SPATA6L: variants seen among roughly 807,000 people sequenced by gnomAD.
SPATA6L encodes the protein spermatogenesis associated 6-like protein.
SPATA6L carries 68 observed loss-of-function variants against 49.2 expected under a neutral mutation model. That is an observed-to-expected ratio of 1.38 (90% CI 1.14 to 1.69). The LOEUF is 1.69. Ranked by LOEUF, SPATA6L falls within the 40% of genes most tolerant of loss-of-function variation. SPATA6L has a pLI of 0.00. For missense variants in SPATA6L, 668 were observed against 464.3 expected (o/e 1.44, Z -4.03); for synonymous variants, 198 against 165.7 (o/e 1.19, Z -1.50).
At chr9:4,653,503 C>T (rs547507100) in intron 3 of SPATA6L, among the ~76,000 whole-genome samples, 2 of 152,168 alleles carry the variant, frequency 1.3e-5, no homozygotes, top group Non-Finnish European at 2.9e-5. Context: ...AATAGATAAA[C>T]TGAAATTCAT....
chr9:4,603,715 G>C (rs570370818), intron 11 of SPATA6L, among the ~76,000 whole-genome samples: 1 of 152,238 alleles, frequency 6.6e-6, no homozygotes, highest in South Asian at 2.1e-4. Flanking sequence ...ATAAGAAATT[G>C]TGTCATAATT....
chr9:4,656,179 C>G (rs1027117711), intron 2 of SPATA6L, 90 bp from the exon 3 acceptor site: 1 of 1,087,238 alleles, frequency 9.2e-7, no homozygotes, highest in Non-Finnish European at 1.4e-6. Flanking sequence ...TAGCTCACAC[C>G]TGTAATCCTA....
At chr9:4,613,665 C>A (rs1346348212) in intron 9 of SPATA6L, among the ~76,000 whole-genome samples, 1 of 152,048 alleles carries the variant, frequency 6.6e-6, no homozygotes, top group African/African-American at 2.4e-5. Context: ...CTCACTGCAA[C>A]CTCTGCCTCC....
intron 9 of SPATA6L, among the ~76,000 whole-genome samples, chr9:4,614,099 A>G (rs1419257356): frequency 3.3e-5 from 5 of 152,316 alleles, no homozygotes; most frequent in Non-Finnish European, 7.3e-5. Flanking sequence ...AACAGATGGG[A>G]GCAGCGCTGT....
chr9:4,603,738 A>C (rs147263605), intron 11 of SPATA6L, among the ~76,000 whole-genome samples: 2 of 152,222 alleles, frequency 1.3e-5, no homozygotes, highest in Non-Finnish European at 2.9e-5. Flanking sequence ...TGAAGGAAAA[A>C]TGCTGTGTAC....
chr9:4,660,622 G>A (rs978898141), intron 2 of SPATA6L, among the ~76,000 whole-genome samples: 24 of 152,232 alleles, frequency 1.6e-4, no homozygotes, highest in African/African-American at 4.6e-4. Context: ...AGACAGTGTG[G>A]TGATTCCTCA....
intron 9 of SPATA6L, among the ~76,000 whole-genome samples, chr9:4,609,706 A>C (rs1196487799): frequency 6.6e-6 from 1 of 151,234 alleles, no homozygotes; most frequent in Admixed American, 6.6e-5. Context: ...ATGGGCAAAA[A>C]CTGGAAGCAT....
chr9:4,629,753 A>ATGTGTG (rs1238760966), intron 4 of SPATA6L, among the ~76,000 whole-genome samples: 15 of 111,090 alleles, frequency 1.4e-4, no homozygotes, highest in African/African-American at 6.3e-4. Context: ...TGTGTTTTAT[A>ATGTGTG]TATGTGTGTG....
rs1840077649 is a variant in SPATA6L, at chr9:4,662,527, T to C, written c.40-491A>G. On this transcript the variant is annotated intron_variant, in intron 1 of 11. Transcript: ENST00000682582. This position sits in a 1 kb window ranked among gnomAD's most constrained non-coding sequence, Gnocchi z 4.9. ...CTGCTCAGCAGCCGCGCCACGGCCGTGGACCCCACCTGCGCCCGGCTCCGT... is the reference window on the plus strand; with the variant it reads ...CTGCTCAGCAGCCGCGCCACGGCCGCGGACCCCACCTGCGCCCGGCTCCGT... 2.6e-6 allele frequency: 4 copies of C among 1,566,520 alleles called. No individual in the cohort carries two copies. The East Asian group carries it at 9.1e-5, about 36-fold the overall frequency.
chr9:4,615,883 C>A (rs955529134), intron 9 of SPATA6L, among the ~76,000 whole-genome samples: 16 of 152,240 alleles, frequency 1.1e-4, no homozygotes, highest in African/African-American at 3.4e-4. Flanking sequence ...GAGACAAAAA[C>A]CACGGGTTTT....
chr9:4,656,817 T>A (rs748610528), intron 2 of SPATA6L, among the ~76,000 whole-genome samples: 13 of 152,242 alleles, frequency 8.5e-5, no homozygotes, highest in Non-Finnish European at 1.8e-4. Flanking sequence ...CAACAGATAC[T>A]CATTAAATGT....
intron 2 of SPATA6L, among the ~76,000 whole-genome samples, chr9:4,660,913 C>G (rs918835482): frequency 3.3e-5 from 5 of 152,234 alleles, no homozygotes; most frequent in African/African-American, 9.6e-5. Context: ...CCATCATTCT[C>G]AGCAAACTAT....
At chr9:4,623,806 T>C (rs1271654090) in intron 6 of SPATA6L, among the ~76,000 whole-genome samples, 1 of 152,254 alleles carries the variant, frequency 6.6e-6, no homozygotes, top group Non-Finnish European at 1.5e-5. Flanking sequence ...CAATAATTTA[T>C]ATCAAATGAA....
At chr9:4,597,965 G>T (rs1822431989), downstream of SPATA6L, among the ~76,000 whole-genome samples, 1 of 152,100 alleles carries the variant, frequency 6.6e-6, no homozygotes, top group Admixed American at 6.5e-5. Context: ...TGGGTGCTAG[G>T]GCTGAACTCA....
intron 3 of SPATA6L, among the ~76,000 whole-genome samples, chr9:4,653,792 C>T (rs1563702994): frequency 1.3e-5 from 2 of 152,080 alleles, no homozygotes; most frequent in East Asian, 1.9e-4. Flanking sequence ...CAAAAAATAG[C>T]TAGGCATGGT....
rs548669915 is a variant in SPATA6L, at chr9:4,641,123, T to C, written c.227-5724A>G. Among the ~76,000 whole-genome samples the C allele has an allele frequency of 4.6e-5, 7 of 152,334 alleles. No homozygotes were observed. The South Asian group carries it at 1.4e-3, about 32-fold the overall frequency. ...AACTGACTTTTTAAAATGCAGTATA[T>C]CTTGGACTGTCATATGTCTTTCAAG... On this transcript the variant is annotated intron_variant, in intron 3 of 11. Transcript: ENST00000682582.
chr9:4,621,236 A>T (rs1323614471), intron 7 of SPATA6L, among the ~76,000 whole-genome samples: 1 of 152,164 alleles, frequency 6.6e-6, no homozygotes, highest in African/African-American at 2.4e-5. Context: ...TACTGGCATG[A>T]TTCATGGATT....
intron 2 of SPATA6L, 68 bp from the exon 3 acceptor site, chr9:4,656,157 T>TGCCG: frequency 7.4e-7 from 1 of 1,350,904 alleles, no homozygotes; most frequent in Admixed American, 1.8e-5. Flanking sequence ...AAACTGTAAA[T>TGCCG]GCCAGGTGCA....
chr9:4,655,967 A>G, intron 3 of SPATA6L, 74 bp downstream of exon 3: 1 of 1,137,778 alleles, frequency 8.8e-7, no homozygotes, highest in South Asian at 1.3e-5. Flanking sequence ...AGTTTAGAAA[A>G]GAGCAGAGTT....
Sources: allele counts gnomAD v4.1 joint callset (sites outside exome capture counted in the v4.1 genomes callset), GRCh38; gene constraint gnomAD v4.1.1; non-coding constraint Gnocchi (gnomAD v3.1); transcripts MANE v1.5; gene names NCBI Gene and HGNC (gene_info 2026-07-23, HGNC 2026-07-21).